The following ERC2 variants were observed in gnomAD, a reference collection of about 807,000 sequenced individuals.
ERC2 encodes ELKS/RAB6-interacting/CAST family member 2.
A neutral mutation model predicts 114.8 loss-of-function variants in ERC2; 42 were observed. The ratio of observed to expected loss-of-function variants is 0.37; its 90% CI spans 0.29 to 0.47. The LOEUF (loss-of-function observed/expected upper bound fraction) is 0.47, where lower values mean the gene tolerates loss of function less well. ERC2 is among the 20% of genes least tolerant of loss of function. The pLI, the probability that ERC2 is intolerant of heterozygous loss-of-function variation, is 0.99. For synonymous variants in ERC2, 454 were observed against 425.5 expected (o/e 1.07, Z -0.82); for missense variants, 939 against 1,150.7 (o/e 0.82, Z 2.66).
At chr3:56,264,996 G>A (rs1250318704) in intron 3 of ERC2, among the ~76,000 whole-genome samples, 1 of 152,076 alleles carries the variant, frequency 6.6e-6, no homozygotes, top group Non-Finnish European at 1.5e-5. Flanking sequence ...TTCATAAATT[G>A]GAATAATCAA....
intron 7 of ERC2, among the ~76,000 whole-genome samples, chr3:56,036,137 A>C (rs2074785346): frequency 1.3e-5 from 2 of 152,208 alleles, no homozygotes; most frequent in Non-Finnish European, 2.9e-5. Flanking sequence ...GATGCAGAAA[A>C]AGCACTTATC....
At chr3:55,778,550 C>G (rs2149044606) in intron 14 of ERC2, among the ~76,000 whole-genome samples, 1 of 152,246 alleles carries the variant, frequency 6.6e-6, no homozygotes, top group African/African-American at 2.4e-5. Flanking sequence ...TATGAAAGTT[C>G]TGTGTGGCAA....
chr3:55,822,502 C>A (rs2060165378), intron 14 of ERC2, among the ~76,000 whole-genome samples: 1 of 152,028 alleles, frequency 6.6e-6, no homozygotes, highest in South Asian at 2.1e-4. Flanking sequence ...GTTTTTTCAT[C>A]CTCATCATGG....
In ERC2 at chr3:55,613,982, CAAAAAAAAAAAAAAAAAAA is replaced by C. The variant is rs60242810; in HGVS notation, c.*39+69793_*39+69811del. 9.6e-5 allele frequency among the ~76,000 whole-genome samples: 6 copies of C among 62,278 alleles called. 1 individual carries two copies. In the East Asian group the frequency reaches 2.4e-3, roughly 25 times the overall value. The allele number at this position is 62,278 out of a possible 152,430, so 40.9% of individuals were successfully genotyped here. On this transcript the variant is annotated intron_variant, in intron 17 of 17. Coordinates refer to ENST00000288221, the MANE Select transcript of ERC2 (RefSeq NM_015576.3). ...TGGGAGACAGAGTGAGACTTCCTCTCAAAAAAAAAAAAAAAAAAAAAAAAAAAAAAAGAAGACATGGCTG... is the reference window on the plus strand; with the variant it reads ...TGGGAGACAGAGTGAGACTTCCTCTCAAAAAAAAAAAAGAAGACATGGCTG...
intron 3 of ERC2, among the ~76,000 whole-genome samples, chr3:56,266,480 A>G (rs2053317272): frequency 6.6e-6 from 1 of 152,164 alleles, no homozygotes; most frequent in African/African-American, 2.4e-5. Flanking sequence ...ATTTCTCCAA[A>G]TAAGTCAAAA....
chr3:55,963,798 C>T (rs1041682388), intron 12 of ERC2, among the ~76,000 whole-genome samples: 3 of 152,114 alleles, frequency 2.0e-5, no homozygotes, highest in African/African-American at 7.2e-5. Context: ...TGAAAATTGA[C>T]CCCCTGGGGG....
intron 3 of ERC2, among the ~76,000 whole-genome samples, chr3:56,244,680 T>C (rs2051561348): frequency 6.6e-6 from 1 of 152,244 alleles, no homozygotes; most frequent in Admixed American, 6.5e-5. Context: ...AATATTTGTA[T>C]AGCTTTATAA....
chr3:56,030,975 G>A (rs1053639413), intron 7 of ERC2, among the ~76,000 whole-genome samples: 3 of 152,186 alleles, frequency 2.0e-5, no homozygotes, highest in Non-Finnish European at 2.9e-5. Flanking sequence ...GGCCTACTCC[G>A]ATGAACCCTG....
chr3:56,399,128 T>C (rs2060426099), intron 2 of ERC2, among the ~76,000 whole-genome samples: 1 of 152,214 alleles, frequency 6.6e-6, no homozygotes, highest in Non-Finnish European at 1.5e-5. Context: ...TCAAACATCA[T>C]GCTATTCATG....
At chr3:55,755,255 C>T (rs1248723775) in intron 14 of ERC2, among the ~76,000 whole-genome samples, 2 of 152,098 alleles carry the variant, frequency 1.3e-5, no homozygotes, top group Admixed American at 6.6e-5. Flanking sequence ...TAGCTGCCCA[C>T]TTAATCTTGC....
intron 6 of ERC2, among the ~76,000 whole-genome samples, chr3:56,117,700 G>A (rs957920413): frequency 5.9e-5 from 9 of 152,228 alleles, no homozygotes; most frequent in Non-Finnish European, 1.2e-4. Context: ...AAAGGAAGGA[G>A]TAGGAAGAGA....
chr3:56,450,814 C>T (rs557454712), intron 1 of ERC2, among the ~76,000 whole-genome samples: 2 of 152,108 alleles, frequency 1.3e-5, no homozygotes, highest in African/African-American at 4.8e-5. Context: ...CTGGGTGACA[C>T]AGAGAGACCT....
At chr3:55,890,290 C>G (rs904734828) in intron 13 of ERC2, among the ~76,000 whole-genome samples, 1 of 152,142 alleles carries the variant, frequency 6.6e-6, no homozygotes, top group African/African-American at 2.4e-5. Flanking sequence ...CCCAAAAAAT[C>G]AGAATTATGA....
intron 3 of ERC2, among the ~76,000 whole-genome samples, chr3:56,203,599 T>C (rs2150102249): frequency 6.6e-6 from 1 of 152,310 alleles, no homozygotes; most frequent in Middle Eastern, 3.4e-3. Flanking sequence ...CCTATCTAAA[T>C]TGTGTTTATG....
At chr3:55,880,805 A>T (rs546808658) in intron 14 of ERC2, among the ~76,000 whole-genome samples, 5 of 152,188 alleles carry the variant, frequency 3.3e-5, no homozygotes, top group Non-Finnish European at 7.4e-5. Flanking sequence ...AAAAAAAAGA[A>T]AAAAAAGAAA....
intron 6 of ERC2, among the ~76,000 whole-genome samples, chr3:56,081,972 T>G (rs2077256584): frequency 6.6e-6 from 1 of 152,208 alleles, no homozygotes. Context: ...TTATTGTCCT[T>G]AATTATCGAC....
At chr3:56,262,510 T>C (rs774329870) in intron 3 of ERC2, among the ~76,000 whole-genome samples, 1 of 152,226 alleles carries the variant, frequency 6.6e-6, no homozygotes, top group Non-Finnish European at 1.5e-5. Context: ...GGCAAACTGA[T>C]TCTCTTTTAA....
chr3:56,207,186 G>A (rs185163706), intron 3 of ERC2, among the ~76,000 whole-genome samples: 65 of 151,182 alleles, frequency 4.3e-4, no homozygotes, highest in Non-Finnish European at 5.9e-5. Context: ...TTTGCTGTGG[G>A]CATCTTTATG....
intron 7 of ERC2, among the ~76,000 whole-genome samples, chr3:56,062,752 T>C (rs1180417322): frequency 6.6e-6 from 1 of 152,150 alleles, no homozygotes; most frequent in Admixed American, 6.6e-5. Flanking sequence ...ACTTCCCATG[T>C]AACTTTGCAA....
Sources: gnomAD v4.1 joint callset for allele counts (sites outside exome capture counted in the v4.1 genomes callset) on GRCh38, gnomAD v4.1.1 for gene constraint, MANE v1.5 for transcripts, NCBI Gene and HGNC (gene_info 2026-07-23, HGNC 2026-07-21) for gene names.